Variants in HSD17B12 observed in about 807,000 individuals in gnomAD.
HSD17B12 encodes hydroxysteroid 17-beta dehydrogenase 12.
A neutral mutation model predicts 39.3 loss-of-function variants in HSD17B12; 32 were observed. That is an observed-to-expected ratio of 0.81 (90% confidence interval 0.61 to 1.09). The LOEUF (loss-of-function observed/expected upper bound fraction) is 1.09, where lower values mean the gene tolerates loss of function less well. Among genes scored for constraint, HSD17B12 ranks in the 50% least tolerant of loss-of-function variants. The probability of loss-of-function intolerance (pLI) is 0.00; values close to 1 mark genes in which losing one functional copy is unlikely to be tolerated. For synonymous variants in HSD17B12, 150 were observed against 146.7 expected (o/e 1.02, Z -0.16); for missense variants, 342 against 382.9 (o/e 0.89, Z 0.89).
chr11:43,574,424 T>TC, the HSD17B12 span, among the ~76,000 whole-genome samples: 1 of 152,178 alleles, frequency 6.6e-6, no homozygotes. Flanking sequence ...TTTCTGGTTT[T>TC]CCCCCTCTCA....
intron 3 of HSD17B12, among the ~76,000 whole-genome samples, chr11:43,765,724 A>G (rs145673659): frequency 2.0e-5 from 3 of 151,456 alleles, no homozygotes; most frequent in African/African-American, 4.8e-5. Context: ...ACATTCACCA[A>G]CGTTTTTTTC....
At chr11:43,581,376 GAA>G in the HSD17B12 span, 7 of 500,400 alleles carry the variant, frequency 1.4e-5, no homozygotes, top group Non-Finnish European at 1.7e-5. This position sits in a 1 kb window ranked among gnomAD's most constrained non-coding sequence, Gnocchi z 4.9. Flanking sequence ...GCGGCGAACC[GAA>G]GAAGCCGGCA....
At chr11:43,649,920 A>C in the HSD17B12 span, among the ~76,000 whole-genome samples, 1 of 152,208 alleles carries the variant, frequency 6.6e-6, no homozygotes, top group African/African-American at 2.4e-5. Flanking sequence ...ATGCGACATC[A>C]AGTGTAGAGG....
the HSD17B12 span, among the ~76,000 whole-genome samples, chr11:43,654,980 A>G: frequency 1.3e-5 from 2 of 152,156 alleles, no homozygotes; most frequent in African/African-American, 2.4e-5. Flanking sequence ...CATTGAATCT[A>G]TAAATTACCT....
At chr11:43,815,348 T>G (rs1951111998) in intron 4 of HSD17B12, 89 bp from the exon 5 acceptor site, 2 of 631,782 alleles carry the variant, frequency 3.2e-6, no homozygotes, top group Non-Finnish European at 2.8e-6. Flanking sequence ...ATATATATCA[T>G]ATTAGTCTTG....
At chr11:43,780,251 C>T (rs1457201438) in intron 3 of HSD17B12, among the ~76,000 whole-genome samples, 8 of 152,092 alleles carry the variant, frequency 5.3e-5, no homozygotes, top group Non-Finnish European at 8.8e-5. Context: ...CTGCAACCTC[C>T]GCCTCTTGAG....
At chr11:43,660,580 A>T in the HSD17B12 span, among the ~76,000 whole-genome samples, 1 of 152,256 alleles carries the variant, frequency 6.6e-6, no homozygotes, top group African/African-American at 2.4e-5. Flanking sequence ...ATGCACAGCA[A>T]CTAGAGCAAA....
At chr11:43,723,835 G>A (rs11037580) in intron 1 of HSD17B12, among the ~76,000 whole-genome samples, 1 of 152,308 alleles carries the variant, frequency 6.6e-6, no homozygotes, top group South Asian at 2.1e-4. Context: ...ATATTCATCA[G>A]TGTCTTGCTG....
chr11:43,836,881 A>C (rs1240665028), intron 7 of HSD17B12, among the ~76,000 whole-genome samples: 1 of 152,190 alleles, frequency 6.6e-6, no homozygotes, highest in Non-Finnish European at 1.5e-5. Flanking sequence ...TCTGAGGAAG[A>C]CACAGACAAA....
chr11:43,739,669 C>G (rs1391900424), intron 1 of HSD17B12, among the ~76,000 whole-genome samples: 5 of 145,204 alleles, frequency 3.4e-5, no homozygotes, highest in Non-Finnish European at 7.5e-5. Flanking sequence ...AATGTCTCCA[C>G]TTCTTACTAC....
the HSD17B12 span, among the ~76,000 whole-genome samples, chr11:43,576,782 T>C: frequency 6.6e-6 from 1 of 152,050 alleles, no homozygotes; most frequent in African/African-American, 2.4e-5. Context: ...ATGTGTATAA[T>C]GAATTTGGGG....
At chr11:43,590,277 C>T in the HSD17B12 span, among the ~76,000 whole-genome samples, 1 of 151,532 alleles carries the variant, frequency 6.6e-6, no homozygotes, top group Admixed American at 6.6e-5. Context: ...ATAAGGGGAA[C>T]TCGCTCAAGG....
chr11:43,854,831 CCGAACCAATGGA>C lies in HSD17B12; in HGVS notation c.802_813del (p.Arg268_Gly271del). On this transcript the variant is annotated inframe_deletion, in exon 10 of 11. Coordinates refer to ENST00000278353, the MANE Select transcript of HSD17B12 (RefSeq NM_016142.3). ...CAATTAAAACAGTCGGCCTGCAATC[CCGAACCAATGGA>C]TACCTGATCCATGCTCTTATGGTAG... 6.2e-7 allele frequency: 1 copy of C among 1,614,162 alleles called. No homozygotes were observed. Among genetic ancestry groups the C allele is most frequent in the Non-Finnish European group, 8.5e-7 (1 of 1,180,022 alleles).
At chr11:43,690,404 A>ATTTTTTTTT (rs1206545700) in intron 1 of HSD17B12, among the ~76,000 whole-genome samples, 4 of 24,960 alleles carry the variant, frequency 1.6e-4, no homozygotes, top group African/African-American at 3.8e-4. Context: ...ATATATATAT[A>ATTTTTTTTT]TTTTTTTTTT....
At chr11:43,827,563 A>G (rs1452284801) in intron 6 of HSD17B12, among the ~76,000 whole-genome samples, 2 of 152,222 alleles carry the variant, frequency 1.3e-5, no homozygotes, top group Admixed American at 1.3e-4. Context: ...TGTAAAAACA[A>G]TGCAAGATTG....
At chr11:43,618,167 G>C in the HSD17B12 span, among the ~76,000 whole-genome samples, 1 of 152,126 alleles carries the variant, frequency 6.6e-6, no homozygotes, top group Non-Finnish European at 1.5e-5. Flanking sequence ...GGAGTCTCCT[G>C]TTGAAGAAAG....
intron 1 of HSD17B12, among the ~76,000 whole-genome samples, chr11:43,709,165 G>A (rs904797841): frequency 1.6e-4 from 24 of 151,538 alleles, no homozygotes; most frequent in Admixed American, 5.9e-4. Flanking sequence ...TTGCCCTGTC[G>A]CCCAGGCTGG....
At chr11:43,598,255 T>A in the HSD17B12 span, among the ~76,000 whole-genome samples, 1 of 152,192 alleles carries the variant, frequency 6.6e-6, no homozygotes, top group Non-Finnish European at 1.5e-5. Context: ...TACTACCCCT[T>A]CTTCCCAAGT....
rs1021782625 is a variant in HSD17B12, at chr11:43,856,222, A to T, written c.*974A>T. ...ACAACAAAAATACATTTCTTTGGTG[A>T]TTGAAATTAAGGCCGTATTTACAAT... On this transcript the variant is annotated 3_prime_UTR_variant, in exon 11 of 11. Transcript: ENST00000278353. The T allele has an allele frequency of 6.6e-6, 1 of 152,238 alleles. No homozygotes were observed. Among genetic ancestry groups the T allele is most frequent in the Admixed American group, 6.5e-5 (1 of 15,280 alleles). The allele number at this position is 152,238 out of a possible 1,614,324, so 9.4% of individuals were successfully genotyped here. A position where few individuals can be genotyped will look rare whatever the true frequency, so the allele number is the denominator to read the frequency against.
Sources: gnomAD v4.1 joint callset for allele counts (sites outside exome capture counted in the v4.1 genomes callset) on GRCh38, gnomAD v4.1.1 for gene constraint, Gnocchi (gnomAD v3.1) non-coding constraint, MANE v1.5 for transcripts, NCBI Gene and HGNC (gene_info 2026-07-23, HGNC 2026-07-21) for gene names.